WDR64: variants seen among roughly 807,000 people sequenced by gnomAD.
WDR64 encodes the protein WD repeat domain 64.
Under a neutral mutation model 139.3 loss-of-function variants are expected in WDR64, and 112 were observed. The observed-to-expected ratio is 0.80, with a 90% CI of 0.69 to 0.94. WDR64 has a LOEUF of 0.94. Among genes scored for constraint, WDR64 ranks in the 40% least tolerant of loss-of-function variants. The probability of loss-of-function intolerance (pLI) is 0.00; values close to 1 mark genes in which losing one functional copy is unlikely to be tolerated. For synonymous variants in WDR64, 444 were observed against 437.7 expected, an observed-to-expected ratio of 1.01 and a Z score of -0.18; for missense variants, 1,206 against 1,293.1, an observed-to-expected ratio of 0.93 and a Z score of 1.03.
rs1256220595 is a variant in WDR64 at position 241,757,737 on chromosome 1, G to GC, written c.1947+284dup. ...GGGCTCAAGTGACCCTCCTGCCTCA[G>GC]CCCCCCAGAACGCTGGAATTACAGG... On this transcript the variant is annotated intron_variant, in intron 15 of 27. Coordinates refer to ENST00000437684, the MANE Select transcript of WDR64 (RefSeq NM_001367482.1). Among the ~76,000 whole-genome samples, 5 of 141,880 alleles carry GC rather than the reference G, an allele frequency of 3.5e-5. No individual in the cohort carries two copies. In the East Asian group the frequency reaches 1.1e-3, roughly 32 times the overall value. 93.1% of individuals were successfully genotyped at this position (141,880 alleles called of 152,430 possible).
intron 10 of WDR64, among the ~76,000 whole-genome samples, chr1:241,731,999 A>C (rs1474663188): frequency 6.6e-6 from 1 of 152,206 alleles, no homozygotes; most frequent in African/African-American, 2.4e-5. Context: ...GTTAACACTC[A>C]AAAGAGTTTC....
In WDR64 at chr1:241,802,224, A is replaced by C. The variant is rs1235053146; in HGVS notation, c.*1009A>C. 1 of 389,714 alleles carries C rather than the reference A, an allele frequency of 2.6e-6. No individual in the cohort carries two copies. The highest frequency in any genetic ancestry group is 4.5e-6 in the Non-Finnish European group (1 of 223,012). 24.1% of individuals were successfully genotyped at this position (389,714 alleles called of 1,614,324 possible). On this transcript the variant is annotated 3_prime_UTR_variant, in exon 28 of 28. Transcript: ENST00000437684. ...GGAATCCTCAGCAATTAAAGGGAAT[A>C]AAATGCTAATGCATGCATTAACATA...
chr1:241,724,899 G>T (rs1012225208), intron 10 of WDR64, among the ~76,000 whole-genome samples: 2 of 151,936 alleles, frequency 1.3e-5, no homozygotes, highest in African/African-American at 4.8e-5. Context: ...TTTTACACAC[G>T]TCAGGGAAAA....
chr1:241,718,358 G>C (rs777943187), intron 9 of WDR64, among the ~76,000 whole-genome samples: 2 of 152,168 alleles, frequency 1.3e-5, no homozygotes, highest in East Asian at 3.9e-4. Context: ...GCGCTGCGGA[G>C]AGTAATAACC....
intron 8 of WDR64, among the ~76,000 whole-genome samples, chr1:241,700,359 T>C (rs566569022): frequency 4.4e-4 from 67 of 152,018 alleles, no homozygotes; most frequent in African/African-American, 1.5e-3. Flanking sequence ...TAAAGTAGTA[T>C]TGTCATATCT....
intron 8 of WDR64, among the ~76,000 whole-genome samples, chr1:241,694,616 C>T (rs191626937): frequency 7.2e-5 from 11 of 152,276 alleles, no homozygotes; most frequent in African/African-American, 2.2e-4. Flanking sequence ...GTGATACATT[C>T]ATAACCATAA....
chr1:241,743,704 C>T (rs750285380), intron 12 of WDR64, among the ~76,000 whole-genome samples: 40 of 152,176 alleles, frequency 2.6e-4, no homozygotes, highest in Non-Finnish European at 5.3e-4. Context: ...GAGACTTAGA[C>T]AGAAAATCTG....
intron 8 of WDR64, among the ~76,000 whole-genome samples, chr1:241,702,367 T>G (rs1281460696): frequency 6.6e-6 from 1 of 152,156 alleles, no homozygotes; most frequent in Non-Finnish European, 1.5e-5. Flanking sequence ...TTCCCCATCT[T>G]TAAATGGTAA....
At chr1:241,765,189 A>G (rs78134096) in intron 15 of WDR64, among the ~76,000 whole-genome samples, 1 of 11,412 alleles carries the variant, frequency 8.8e-5, no homozygotes, top group Non-Finnish European at 3.7e-4. Context: ...CTGTCTCTGA[A>G]AAAAAAAAAA....
At chr1:241,780,778 T>C (rs1026939887) in intron 22 of WDR64, among the ~76,000 whole-genome samples, 2 of 152,184 alleles carry the variant, frequency 1.3e-5, no homozygotes, top group South Asian at 2.1e-4. Flanking sequence ...TATTCAACTT[T>C]AGTTTGACTA....
In WDR64 at chr1:241,703,732, A is replaced by G. The variant is rs2148153029; in HGVS notation, c.975-8070A>G. Among the ~76,000 whole-genome samples the G allele has an allele frequency of 6.6e-6, 1 of 152,148 alleles. No individual in the cohort carries two copies. Among genetic ancestry groups the G allele is most frequent in the East Asian group, 1.9e-4 (1 of 5,176 alleles). On this transcript the variant is annotated intron_variant, in intron 8 of 27. Coordinates refer to ENST00000437684, the MANE Select transcript of WDR64 (RefSeq NM_001367482.1). This position sits in a 1 kb window ranked among gnomAD's most constrained non-coding sequence, Gnocchi z 5.9. ...GCTATAAAGATACTATCTGAGACTCAATAATTTGTAAAGGAAAGAGGTTAA... is the reference window on the plus strand; with the variant it reads ...GCTATAAAGATACTATCTGAGACTCGATAATTTGTAAAGGAAAGAGGTTAA...
At chr1:241,770,524 G>A in intron 17 of WDR64, 97 bp from the exon 18 acceptor site, 1 of 1,068,498 alleles carries the variant, frequency 9.4e-7, no homozygotes, top group South Asian at 1.6e-5. Flanking sequence ...GATGATGAAA[G>A]AAGCAATCAG....
chr1:241,752,935 AG>A, intron 14 of WDR64, among the ~76,000 whole-genome samples: 1 of 152,316 alleles, frequency 6.6e-6, no homozygotes, highest in African/African-American at 2.4e-5. Context: ...GCTATTACTC[AG>A]TGTCAATATC....
At chr1:241,669,853 C>T (rs1260972821) in intron 2 of WDR64, among the ~76,000 whole-genome samples, 1 of 152,126 alleles carries the variant, frequency 6.6e-6, no homozygotes, top group Non-Finnish European at 1.5e-5. Context: ...TTCCTTTAAA[C>T]TCAAAGTAGT....
In WDR64 at chr1:241,741,680, C is replaced by A; in HGVS notation, c.1470+16C>A. 6.4e-7 allele frequency: 1 copy of A among 1,562,322 alleles called. No individual in the cohort carries two copies. The highest frequency in any genetic ancestry group is 1.2e-5 in the South Asian group (1 of 82,614). The stretch of plus-strand genomic sequence containing the variant: ...CATAATTAGGGTAAGTACCTATTGG[C>A]TTTTCAAACAGAAAAAAAGGCAATG... On this transcript the variant is annotated intron_variant, in intron 12 of 27. Transcript: ENST00000437684.
At chr1:241,709,957 A>AG (rs1668096987) in intron 8 of WDR64, among the ~76,000 whole-genome samples, 1 of 152,210 alleles carries the variant, frequency 6.6e-6, no homozygotes, top group Non-Finnish European at 1.5e-5. Flanking sequence ...ATAAAAAAAA[A>AG]GAACAGTTTT....
intron 13 of WDR64, among the ~76,000 whole-genome samples, chr1:241,745,657 C>T (rs1305033987): frequency 1.3e-5 from 2 of 151,976 alleles, no homozygotes; most frequent in Non-Finnish European, 2.9e-5. Context: ...CACTGTGTTG[C>T]CCAGGCTGGT....
At chr1:241,741,156 A>G (rs1669524431) in intron 11 of WDR64, among the ~76,000 whole-genome samples, 1 of 152,198 alleles carries the variant, frequency 6.6e-6, no homozygotes, top group Non-Finnish European at 1.5e-5. Context: ...CATCACCACT[A>G]TTGCTGTGCA....
intron 9 of WDR64, among the ~76,000 whole-genome samples, chr1:241,714,342 C>T (rs548937641): frequency 1.3e-5 from 2 of 152,228 alleles, no homozygotes; most frequent in South Asian, 4.1e-4. Context: ...TCAATAAATA[C>T]ATCATTGGCA....
Sources: gnomAD v4.1 joint callset for allele counts (sites outside exome capture counted in the v4.1 genomes callset) on GRCh38, gnomAD v4.1.1 for gene constraint, Gnocchi (gnomAD v3.1) non-coding constraint, MANE v1.5 for transcripts, NCBI Gene and HGNC (gene_info 2026-07-23, HGNC 2026-07-21) for gene names.